SLC25A17: variants seen among roughly 807,000 people sequenced by gnomAD.
The protein encoded by SLC25A17 is peroxisomal membrane protein PMP34.
SLC25A17 carries 26 observed loss-of-function variants against 38.5 expected under a neutral mutation model. The observed-to-expected ratio is 0.68, with a 90% confidence interval of 0.50 to 0.94. The LOEUF (loss-of-function observed/expected upper bound fraction) is 0.94. SLC25A17 is among the 40% of genes least tolerant of loss of function. The pLI is 0.00. For synonymous variants in SLC25A17, 139 were observed against 136.2 expected (o/e 1.02, Z -0.14); for missense variants, 333 against 372.7 (o/e 0.89, Z 0.88).
At position 40,777,100 on chromosome 22, in the gene SLC25A17, T is replaced by G. The variant is rs373268891; in HGVS notation, c.633A>C (p.Val211=). The G allele has an allele frequency of 4.3e-6, 7 of 1,614,158 alleles. No individual in the cohort carries two copies. Among genetic ancestry groups the G allele is most frequent in the African/African-American group, 4.0e-5 (3 of 75,024 alleles). Residue 211 remains valine, a synonymous_variant, in exon 7 of 9, where the codon GTA becomes GTC. Transcript: ENST00000435456. ...SSLDVFIIGA[V]AKAIATTVTY... Reference sequence around the variant, plus strand: ...TCACCGTGGTGGCAATCGCTTTGGCTACTGCACCAATGATGAACACATCCA... The same window carrying G: ...TCACCGTGGTGGCAATCGCTTTGGCGACTGCACCAATGATGAACACATCCA...
At chr22:40,805,964 T>A (rs1488049512) in intron 1 of SLC25A17, among the ~76,000 whole-genome samples, 1 of 152,170 alleles carries the variant, frequency 6.6e-6, no homozygotes, top group African/African-American at 2.4e-5. Flanking sequence ...AGCTTTCAGG[T>A]TGACTGACTG....
intron 8 of SLC25A17, among the ~76,000 whole-genome samples, chr22:40,771,220 G>C (rs1480170591): frequency 6.6e-6 from 1 of 152,104 alleles, no homozygotes; most frequent in Non-Finnish European, 1.5e-5. Context: ...CCATTCTCCT[G>C]CCTCAGCCTC....
At position 40,779,104 on chromosome 22, in the gene SLC25A17, G is replaced by C; in HGVS notation, c.356C>G (p.Thr119Arg). The C allele has an allele frequency of 6.2e-7, 1 of 1,614,200 alleles. No individual in the cohort carries two copies. The highest frequency in any genetic ancestry group is 8.5e-7 in the Non-Finnish European group (1 of 1,180,036). The change falls in exon 5 of 9, where the codon ACA becomes AGA. Residue 119 changes from threonine to arginine, a missense_variant. Transcript: ENST00000435456. Reference sequence around the variant, plus strand: ...GGTGTTTACCACCCAGAGTGGAGTTGTTAGCAACACATTAACCACTCCTTT... The same window carrying C: ...GGTGTTTACCACCCAGAGTGGAGTTCTTAGCAACACATTAACCACTCCTTT... Reference protein sequence around the residue: ...FVAGVVNVLLTTPLWVVNTRL... With the variant: ...FVAGVVNVLLRTPLWVVNTRL...
rs753419167 is a variant in SLC25A17, at chr22:40,770,923, G to C, written c.835C>G (p.Leu279Val). Reference protein sequence around the residue: ...GLEAKLLQTVLTAALMFLVYE... With the variant: ...GLEAKLLQTVVTAALMFLVYE... ...ACAAGGAACATGAGAGCAGCAGTGA[G>C]GACTGTCTGCAGCAGTTTGGCTTCA... Residue 279 changes from leucine (L) to valine (V), a missense_variant, in exon 9 of 9, where the codon CTC (leucine) becomes GTC (valine). By Grantham distance (32) the Leu-to-Val change is conservative. Transcript: ENST00000435456. 6.2e-7 allele frequency: 1 copy of C among 1,613,012 alleles called. No individual in the cohort carries two copies. The highest frequency in any genetic ancestry group is 1.3e-5 in the African/African-American group (1 of 75,016).
At position 40,796,429 on chromosome 22, in the gene SLC25A17, A is replaced by C. The variant is rs184194524; in HGVS notation, c.116-1849T>G. Among the ~76,000 whole-genome samples the C allele has an allele frequency of 2.3e-4, 35 of 152,110 alleles. No homozygotes were observed. The East Asian group carries it at 3.5e-3, about 15-fold the overall frequency. On this transcript the variant is annotated intron_variant, in intron 2 of 8. Transcript: ENST00000435456. ...TGAGGTGGGTGGATCACCTGAGGTCAGGAGTTCGAGATCAGCCTGGCCAAC... is the reference window on the plus strand; with the variant it reads ...TGAGGTGGGTGGATCACCTGAGGTCCGGAGTTCGAGATCAGCCTGGCCAAC...
chr22:40,782,038 G>A (rs1160077888), intron 4 of SLC25A17, among the ~76,000 whole-genome samples: 4 of 152,132 alleles, frequency 2.6e-5, no homozygotes, highest in African/African-American at 4.8e-5. Context: ...TGGCCAACAC[G>A]GCGAAACCCT....
chr22:40,798,786 GT>G (rs1272220825), intron 2 of SLC25A17, among the ~76,000 whole-genome samples: 5 of 151,460 alleles, frequency 3.3e-5, no homozygotes, highest in Non-Finnish European at 2.9e-5. Context: ...GGCCCATATG[GT>G]GAAACACCGT....
At chr22:40,819,168 G>A (rs1488209138) in intron 1 of SLC25A17, 27 bp downstream of exon 1, 1 of 1,612,698 alleles carries the variant, frequency 6.2e-7, no homozygotes, top group African/African-American at 1.3e-5. Flanking sequence ...AACCCGTTGC[G>A]GCCCGGGCGT....
At chr22:40,804,252 C>A (rs1247117129) in intron 1 of SLC25A17, among the ~76,000 whole-genome samples, 2 of 152,120 alleles carry the variant, frequency 1.3e-5, no homozygotes, top group Non-Finnish European at 2.9e-5. Context: ...ATGGTAGAGA[C>A]AATCCATCCT....
intron 5 of SLC25A17, among the ~76,000 whole-genome samples, chr22:40,777,726 G>A (rs1569399951): frequency 6.7e-6 from 1 of 149,720 alleles, no homozygotes; most frequent in African/African-American, 2.5e-5. Flanking sequence ...AGGTTGCAGT[G>A]AGCCAAGATT....
intron 7 of SLC25A17, among the ~76,000 whole-genome samples, chr22:40,775,216 T>C (rs1258935278): frequency 6.6e-6 from 1 of 152,200 alleles, no homozygotes; most frequent in East Asian, 1.9e-4. Context: ...AATCTCACCC[T>C]GAGCCACTCT....
At chr22:40,813,975 A>T (rs1448232262) in intron 1 of SLC25A17, 1 of 152,518 alleles carries the variant, frequency 6.6e-6, no homozygotes, top group Non-Finnish European at 1.5e-5. Flanking sequence ...AGAAGGGTCA[A>T]CAGTATAGAA....
chr22:40,787,441 C>T (rs867550883), intron 4 of SLC25A17, among the ~76,000 whole-genome samples: 4 of 152,152 alleles, frequency 2.6e-5, no homozygotes, highest in African/African-American at 7.2e-5. Flanking sequence ...GGCATCCTAG[C>T]GAGTAGCCTA....
At chr22:40,775,299 T>C (rs1016450677) in intron 7 of SLC25A17, among the ~76,000 whole-genome samples, 1 of 152,112 alleles carries the variant, frequency 6.6e-6, no homozygotes, top group Non-Finnish European at 1.5e-5. Context: ...TTTGGCTGTG[T>C]CCCCATCCAA....
At position 40,770,852 on chromosome 22, in the gene SLC25A17, C is replaced by T; in HGVS notation, c.906G>A (p.Lys302=). The T allele has an allele frequency of 6.2e-7, 1 of 1,612,932 alleles. No individual in the cohort carries two copies. Among genetic ancestry groups the T allele is most frequent in the Non-Finnish European group, 8.5e-7 (1 of 1,179,160 alleles). The change falls in exon 9 of 9, where the codon AAG becomes AAA. Residue 302 remains lysine (K), a synonymous_variant. Transcript: ENST00000435456. ...AGGCGTCTCAGTGTTGGTGTGCACG[C>T]TTCAGCCCCATAACTGTGAAGGTGG... ...TAATFTVMGL[K]RAHQH
chr22:40,783,969 T>C (rs1374191921), intron 4 of SLC25A17, among the ~76,000 whole-genome samples: 2 of 152,098 alleles, frequency 1.3e-5, no homozygotes, highest in Non-Finnish European at 2.9e-5. Context: ...CCTCTCAAAG[T>C]GTTGGGATTA....
Position 40,770,983 on chromosome 22 carries a change from TA to T in SLC25A17, c.777-3del. 1 of 1,579,922 alleles carries T rather than the reference TA, an allele frequency of 6.3e-7. No individual in the cohort carries two copies. Among genetic ancestry groups the T allele is most frequent in the Non-Finnish European group, 8.6e-7 (1 of 1,158,958 alleles). ...TAGAGTCCCATTATTCCAAAACGTC[TA>T]AAGGGAAAGAGGTTTGAAAAAACAG... On this transcript the variant is annotated splice_region_variant and splice_polypyrimidine_tract_variant and intron_variant, in intron 8 of 8. Coordinates refer to ENST00000435456, the MANE Select transcript of SLC25A17 (RefSeq NM_006358.4).
intron 1 of SLC25A17, among the ~76,000 whole-genome samples, chr22:40,801,757 G>A (rs1308619590): frequency 1.3e-5 from 2 of 152,130 alleles, no homozygotes; most frequent in African/African-American, 4.8e-5. Context: ...TTAAGGCTCT[G>A]GCACTCATTT....
intron 4 of SLC25A17, among the ~76,000 whole-genome samples, chr22:40,783,891 A>G (rs183063066): frequency 4.7e-4 from 72 of 152,214 alleles, no homozygotes; most frequent in African/African-American, 1.7e-3. Flanking sequence ...TTTTTAGTAG[A>G]CAGGGGGTTT....
Sources: gnomAD v4.1 joint callset for allele counts (sites outside exome capture counted in the v4.1 genomes callset) on GRCh38, gnomAD v4.1.1 for gene constraint, MANE v1.5 for transcripts, NCBI Gene and HGNC (gene_info 2026-07-23, HGNC 2026-07-21) for gene names.